The following GPC5 variants were observed in gnomAD, a reference collection of about 807,000 sequenced individuals.
GPC5 encodes glypican-5.
A neutral mutation model predicts 53.9 loss-of-function variants in GPC5; 47 were observed. The ratio of observed to expected loss-of-function variants is 0.87; its 90% CI spans 0.69 to 1.11. GPC5 has a LOEUF of 1.11. Ranked by LOEUF, GPC5 falls within the 50% of genes most tolerant of loss-of-function variation. The pLI is 0.00. For missense variants in GPC5, 748 were observed against 713.1 expected, an observed-to-expected ratio of 1.05 and a Z score of -0.56; for synonymous variants, 286 against 263.3, an observed-to-expected ratio of 1.09 and a Z score of -0.84.
intron 5 of GPC5, among the ~76,000 whole-genome samples, chr13:91,839,296 C>A (rs2038757718): frequency 6.6e-6 from 1 of 152,036 alleles, no homozygotes; most frequent in African/African-American, 2.4e-5. Flanking sequence ...ATTCATATTT[C>A]TTGGAATTTC....
At chr13:91,563,943 A>G (rs987242391) in intron 2 of GPC5, among the ~76,000 whole-genome samples, 2 of 152,088 alleles carry the variant, frequency 1.3e-5, no homozygotes, top group South Asian at 4.1e-4. Context: ...ACTCCTGCCT[A>G]GTGCCTCTGT....
At chr13:91,691,610 C>T (rs1248693881) in intron 2 of GPC5, among the ~76,000 whole-genome samples, 1 of 152,118 alleles carries the variant, frequency 6.6e-6, no homozygotes. Flanking sequence ...CCTTTGATTG[C>T]AGGGTAGATG....
rs764069854 is a variant in GPC5, at chr13:91,450,149, A to G, written c.325+1227A>G. Among the ~76,000 whole-genome samples the G allele has an allele frequency of 2.9e-4, 44 of 152,146 alleles. 1 individual carries two copies. Among genetic ancestry groups the G allele is most frequent in the African/African-American group, 7.2e-5 (3 of 41,432 alleles). ...AATGCTTTTTTGTAGAAAGCGTGAA[A>G]TGTCAGATTTTAAGGTTTTATAAAT... is the stretch of plus-strand genomic sequence containing the variant. On this transcript the variant is annotated intron_variant, in intron 2 of 7. Transcript: ENST00000377067.
At chr13:91,954,635 A>G (rs923788058) in intron 6 of GPC5, among the ~76,000 whole-genome samples, 2 of 152,100 alleles carry the variant, frequency 1.3e-5, no homozygotes, top group African/African-American at 4.8e-5. Context: ...CAAACTCCAA[A>G]GGCTGTAATT....
rs1308138047 is a variant in GPC5 at position 92,054,034 on chromosome 13, A to AATAAATAC, written c.1402-90789_1402-90788insCATAAATA. 2.1e-4 allele frequency among the ~76,000 whole-genome samples: 8 copies of AATAAATAC among 37,900 alleles called. No homozygotes were observed. The East Asian group carries it at 8.8e-3, about 42-fold the overall frequency. The allele number at this position is 37,900 out of a possible 152,430, so 24.9% of individuals were successfully genotyped here. On this transcript the variant is annotated intron_variant, in intron 6 of 7. Coordinates refer to ENST00000377067, the MANE Select transcript of GPC5 (RefSeq NM_004466.6). ...GCAAGAAGAGTGAAATTCCATTTCA[A>AATAAATAC]ATAAATAAATAAATAAATAAATAAA...
intron 7 of GPC5, among the ~76,000 whole-genome samples, chr13:92,692,122 A>C (rs1887418748): frequency 6.6e-6 from 1 of 152,124 alleles, no homozygotes; most frequent in Non-Finnish European, 1.5e-5. Flanking sequence ...ATGAGAAATT[A>C]CTGTATTTAT....
chr13:91,441,496 A>G (rs1880422577), intron 1 of GPC5, among the ~76,000 whole-genome samples: 1 of 152,206 alleles, frequency 6.6e-6, no homozygotes, highest in South Asian at 2.1e-4. Flanking sequence ...TCTGAGCTTG[A>G]AAATGACTAT....
rs573396471 is a variant in GPC5 at position 92,537,047 on chromosome 13, C to A, written c.1562-329235C>A. Among the ~76,000 whole-genome samples, 18 of 152,022 alleles carry A rather than the reference C, an allele frequency of 1.2e-4. No individual in the cohort carries two copies. The South Asian group carries it at 2.7e-3, about 23-fold the overall frequency. On this transcript the variant is annotated intron_variant, in intron 7 of 7. Transcript: ENST00000377067. ...TTTATATCTCCTTGTTTTTAGCTTA[C>A]AATTAAGGGGTATTCTAAGAACTGT...
intron 7 of GPC5, among the ~76,000 whole-genome samples, chr13:92,301,900 A>C (rs2043078232): frequency 2.6e-5 from 4 of 152,006 alleles, no homozygotes; most frequent in Admixed American, 2.6e-4. Context: ...TGTCTCAAAA[A>C]TAAATAAATA....
At chr13:92,792,239 G>T (rs577444915) in intron 7 of GPC5, among the ~76,000 whole-genome samples, 1 of 152,228 alleles carries the variant, frequency 6.6e-6, no homozygotes, top group East Asian at 1.9e-4. Flanking sequence ...AGCCAGAAGA[G>T]AGTGGGGGCC....
intron 4 of GPC5, among the ~76,000 whole-genome samples, chr13:91,755,944 A>G (rs2037280175): frequency 1.3e-5 from 2 of 152,048 alleles, no homozygotes; most frequent in Admixed American, 6.6e-5. Context: ...TAGGGAGGCT[A>G]AATGAAGTGA....
At chr13:91,721,857 C>G (rs918234914) in intron 3 of GPC5, among the ~76,000 whole-genome samples, 1 of 152,172 alleles carries the variant, frequency 6.6e-6, no homozygotes, top group Non-Finnish European at 1.5e-5. Context: ...AGCACCCCAC[C>G]CCCACTCTAC....
chr13:92,309,105 G>A (rs2043129656), intron 7 of GPC5, among the ~76,000 whole-genome samples: 1 of 152,082 alleles, frequency 6.6e-6, no homozygotes, highest in South Asian at 2.1e-4. Flanking sequence ...AGCATCTGCA[G>A]CAGAATGAAG....
At chr13:92,081,676 C>T (rs2041296921) in intron 6 of GPC5, among the ~76,000 whole-genome samples, 1 of 152,008 alleles carries the variant, frequency 6.6e-6, no homozygotes, top group Admixed American at 6.6e-5. Flanking sequence ...CACAGAATAT[C>T]GATATTTTAT....
intron 3 of GPC5, among the ~76,000 whole-genome samples, chr13:91,722,140 A>G (rs569004809): frequency 1.3e-5 from 2 of 152,338 alleles, no homozygotes; most frequent in South Asian, 4.1e-4. Context: ...TTAAAACTGG[A>G]AATCAGGAAG....
At chr13:91,758,301 G>A (rs924908429) in intron 5 of GPC5, among the ~76,000 whole-genome samples, 6 of 151,888 alleles carry the variant, frequency 4.0e-5, no homozygotes, top group Non-Finnish European at 7.4e-5. Flanking sequence ...TTTTCAAACT[G>A]TTCAAACTGG....
intron 6 of GPC5, among the ~76,000 whole-genome samples, chr13:92,114,684 C>T (rs184282930): frequency 3.3e-5 from 5 of 152,294 alleles, no homozygotes; most frequent in Admixed American, 2.0e-4. Context: ...CCTGGCCACA[C>T]AGATACACTC....
intron 1 of GPC5, among the ~76,000 whole-genome samples, chr13:91,436,845 T>G (rs9742726): frequency 0.12 from 18,167 of 152,030 alleles, 1,926 homozygotes; most frequent in African/African-American, 0.29. Context: ...GGTCTCTAAG[T>G]ACTTGCTGTA....
rs1879342589 is a variant in GPC5 at position 92,866,526 on chromosome 13, T to C, written c.*87T>C. ...CCTGGAATAAGAGATCCTTTTTCAATGTAACAATTATATTTATGAAAAGAT... is the reference window on the plus strand; with the variant it reads ...CCTGGAATAAGAGATCCTTTTTCAACGTAACAATTATATTTATGAAAAGAT... On this transcript the variant is annotated 3_prime_UTR_variant, in exon 8 of 8. Coordinates refer to ENST00000377067, the MANE Select transcript of GPC5 (RefSeq NM_004466.6). 1 of 1,071,732 alleles carries C rather than the reference T, an allele frequency of 9.3e-7. No homozygotes were observed. Among genetic ancestry groups the C allele is most frequent in the Non-Finnish European group, 1.3e-6 (1 of 779,716 alleles). 66.4% of individuals were successfully genotyped at this position (1,071,732 alleles called of 1,614,324 possible).
Sources: allele counts gnomAD v4.1 joint callset (sites outside exome capture counted in the v4.1 genomes callset), GRCh38; gene constraint gnomAD v4.1.1; transcripts MANE v1.5; gene names NCBI Gene and HGNC (gene_info 2026-07-23, HGNC 2026-07-21).